The following CNTNAP2 variants were observed in gnomAD, a reference collection of about 807,000 sequenced individuals.
The protein encoded by CNTNAP2 is contactin-associated protein-like 2.
CNTNAP2 carries 98 observed loss-of-function variants against 155.2 expected under a neutral mutation model. The ratio of observed to expected loss-of-function variants is 0.63; its 90% CI spans 0.54 to 0.75. The LOEUF is 0.75. CNTNAP2 is among the 30% of genes least tolerant of loss of function. CNTNAP2 has a pLI of 0.00. For synonymous variants in CNTNAP2, 651 were observed against 631.2 expected (o/e 1.03, Z -0.47); for missense variants, 1,727 against 1,688.1 (o/e 1.02, Z -0.40).
At chr7:146,297,779 A>G (rs893188718) in intron 1 of CNTNAP2, among the ~76,000 whole-genome samples, 1 of 152,160 alleles carries the variant, frequency 6.6e-6, no homozygotes, top group African/African-American at 2.4e-5. Context: ...AAATAAGCAC[A>G]TTCTTTATGC....
chr7:147,613,263 T>G (rs993974758), intron 12 of CNTNAP2, among the ~76,000 whole-genome samples: 1 of 152,224 alleles, frequency 6.6e-6, no homozygotes, highest in Non-Finnish European at 1.5e-5. Context: ...CTCCCTGAGT[T>G]GATTAACCAT....
intron 3 of CNTNAP2, among the ~76,000 whole-genome samples, chr7:146,955,096 C>T (rs1004495573): frequency 6.6e-6 from 1 of 151,804 alleles, no homozygotes; most frequent in Admixed American, 6.6e-5. Context: ...ATTTTTTGCC[C>T]TGACAAAATA....
At chr7:147,432,805 C>G (rs780000616) in intron 10 of CNTNAP2, among the ~76,000 whole-genome samples, 2 of 152,204 alleles carry the variant, frequency 1.3e-5, no homozygotes, top group Non-Finnish European at 2.9e-5. Flanking sequence ...GACATCACCT[C>G]CCTACAGAGG....
rs139479260 is a variant in CNTNAP2, at chr7:146,815,391, G to A, written c.209-24320G>A. 1.4e-4 allele frequency among the ~76,000 whole-genome samples: 22 copies of A among 152,106 alleles called. No individual in the cohort carries two copies. The East Asian group carries it at 4.1e-3, about 28-fold the overall frequency. On this transcript the variant is annotated intron_variant, in intron 2 of 23. Coordinates refer to ENST00000361727, the MANE Select transcript of CNTNAP2 (RefSeq NM_014141.6). The stretch of plus-strand genomic sequence containing the variant: ...TTGGAAATTTACTGAAATTCGTAAT[G>A]ATTATATTTTATTTCTTTGTAAAAT...
chr7:147,546,676 G>T (rs190375621), intron 11 of CNTNAP2, among the ~76,000 whole-genome samples: 15 of 152,294 alleles, frequency 9.8e-5, no homozygotes, highest in Admixed American at 3.9e-4. Flanking sequence ...CCAGTGTACA[G>T]GGAAAGGAGA....
chr7:147,850,471 C>G (rs1039522387), intron 13 of CNTNAP2, among the ~76,000 whole-genome samples: 15 of 152,136 alleles, frequency 9.9e-5, no homozygotes, highest in African/African-American at 3.6e-4. Flanking sequence ...CAATCCTAAG[C>G]CAAAAGAACA....
At chr7:146,821,917 TTCCTCAGGGATCTAGAAC>T (rs1803292793) in intron 2 of CNTNAP2, among the ~76,000 whole-genome samples, 1 of 151,516 alleles carries the variant, frequency 6.6e-6, no homozygotes, top group African/African-American at 2.4e-5. Flanking sequence ...AGTGTGGCGA[TTCCTCAGGGATCTAGAAC>T]TAGAAATACC....
At chr7:148,163,816 A>G (rs1305533341) in intron 17 of CNTNAP2, among the ~76,000 whole-genome samples, 1 of 152,182 alleles carries the variant, frequency 6.6e-6, no homozygotes, top group Non-Finnish European at 1.5e-5. Flanking sequence ...AATATGGAGC[A>G]ATTTCCTTTA....
intron 8 of CNTNAP2, among the ~76,000 whole-genome samples, chr7:147,278,047 G>C (rs982574279): frequency 1.3e-5 from 2 of 150,194 alleles, no homozygotes; most frequent in African/African-American, 4.9e-5. Flanking sequence ...GAACAACTCT[G>C]TGGGTTTAAA....
intron 1 of CNTNAP2, among the ~76,000 whole-genome samples, chr7:146,171,278 T>C (rs1399479086): frequency 6.6e-6 from 1 of 152,170 alleles, no homozygotes; most frequent in Non-Finnish European, 1.5e-5. Flanking sequence ...AAACAATATT[T>C]TATAGTATAG....
chr7:147,590,420 T>C (rs1249737692), intron 12 of CNTNAP2, among the ~76,000 whole-genome samples: 1 of 152,132 alleles, frequency 6.6e-6, no homozygotes, highest in Non-Finnish European at 1.5e-5. Context: ...CAAGATCTGA[T>C]GGTCTTTATA....
At chr7:146,210,645 G>A (rs1316677089) in intron 1 of CNTNAP2, among the ~76,000 whole-genome samples, 5 of 152,058 alleles carry the variant, frequency 3.3e-5, no homozygotes, top group African/African-American at 1.2e-4. Flanking sequence ...CGGTTACCAG[G>A]CTATACCTAT....
intron 15 of CNTNAP2, among the ~76,000 whole-genome samples, chr7:148,063,315 G>A (rs1211238623): frequency 6.6e-6 from 1 of 151,910 alleles, no homozygotes; most frequent in Non-Finnish European, 1.5e-5. Context: ...TTCCATTCAT[G>A]TTTTAATTTA....
intron 1 of CNTNAP2, among the ~76,000 whole-genome samples, chr7:146,424,654 G>A (rs796619877): frequency 6.6e-5 from 10 of 152,220 alleles, no homozygotes; most frequent in African/African-American, 2.4e-4. Flanking sequence ...TTTTATATCC[G>A]TGTAGGGAAC....
intron 1 of CNTNAP2, among the ~76,000 whole-genome samples, chr7:146,235,895 A>G (rs1799465128): frequency 6.6e-6 from 1 of 151,954 alleles, no homozygotes; most frequent in Non-Finnish European, 1.5e-5. Flanking sequence ...CTTATAACCA[A>G]TTATGGACTT....
chr7:146,556,835 C>T (rs1292249325), intron 1 of CNTNAP2, among the ~76,000 whole-genome samples: 2 of 151,246 alleles, frequency 1.3e-5, no homozygotes, highest in East Asian at 3.9e-4. Context: ...TAGTAAATCT[C>T]CCTTGCCTTG....
intron 13 of CNTNAP2, among the ~76,000 whole-genome samples, chr7:147,693,400 G>A (rs1796117990): frequency 6.6e-6 from 1 of 151,964 alleles, no homozygotes; most frequent in African/African-American, 2.4e-5. Context: ...GATTTTAATT[G>A]GGATTGCACT....
chr7:146,246,500 G>A (rs1375093550), intron 1 of CNTNAP2, among the ~76,000 whole-genome samples: 2 of 150,006 alleles, frequency 1.3e-5, no homozygotes, highest in Non-Finnish European at 2.9e-5. Context: ...AAGGGAAACA[G>A]GCCCTTGAAA....
intron 13 of CNTNAP2, among the ~76,000 whole-genome samples, chr7:147,665,630 C>A (rs1191042647): frequency 6.6e-6 from 1 of 151,918 alleles, no homozygotes; most frequent in African/African-American, 2.4e-5. Flanking sequence ...CTCCCATCCT[C>A]CACCCTCTGA....
Sources: gnomAD v4.1 joint callset for allele counts (sites outside exome capture counted in the v4.1 genomes callset) on GRCh38, gnomAD v4.1.1 for gene constraint, MANE v1.5 for transcripts, NCBI Gene and HGNC (gene_info 2026-07-23, HGNC 2026-07-21) for gene names.